The following SDK1 variants were observed in gnomAD, a reference collection of about 807,000 sequenced individuals.
SDK1 encodes sidekick cell adhesion molecule 1.
A neutral mutation model predicts 245.5 loss-of-function variants in SDK1; 157 were observed. That is an observed-to-expected ratio of 0.64 (90% CI 0.56 to 0.73). The LOEUF is 0.73. SDK1 is among the 30% of genes least tolerant of loss of function. The pLI is 0.00. For synonymous variants in SDK1, 1,647 were observed against 1,278.5 expected (o/e 1.29, Z -6.15); for missense variants, 3,583 against 3,002.3 (o/e 1.19, Z -4.52).
At chr7:3,650,647 G>A (rs1782984434) in intron 4 of SDK1, among the ~76,000 whole-genome samples, 1 of 152,094 alleles carries the variant, frequency 6.6e-6, no homozygotes, top group African/African-American at 2.4e-5. Context: ...CAAACAGAAG[G>A]TTTCTGTCAA....
intron 1 of SDK1, among the ~76,000 whole-genome samples, chr7:3,429,427 A>G (rs1291174371): frequency 1.3e-5 from 2 of 152,154 alleles, no homozygotes; most frequent in Non-Finnish European, 2.9e-5. Context: ...CCTTTTAAAT[A>G]TATAACTCCT....
chr7:3,407,761 A>G (rs1779091878), intron 1 of SDK1, among the ~76,000 whole-genome samples: 1 of 152,210 alleles, frequency 6.6e-6, no homozygotes, highest in South Asian at 2.1e-4. Flanking sequence ...TTGGGTATAC[A>G]AGGATAACTA....
chr7:4,033,107 G>A (rs1029226839), intron 17 of SDK1, among the ~76,000 whole-genome samples: 6 of 152,176 alleles, frequency 3.9e-5, no homozygotes, highest in African/African-American at 1.4e-4. Context: ...TCTATTGGTG[G>A]ATGACTAGAA....
In SDK1 at chr7:3,811,173, C is replaced by T. The variant is rs181525741; in HGVS notation, c.714-10277C>T. On this transcript the variant is annotated intron_variant, in intron 4 of 44. Coordinates refer to ENST00000404826, the MANE Select transcript of SDK1 (RefSeq NM_152744.4). Reference sequence around the variant, plus strand: ...TTCACCTCACTACCGATTTGCACTTCATCAGTGTCCTTTTGATGTCAGAAT... The same window carrying T: ...TTCACCTCACTACCGATTTGCACTTTATCAGTGTCCTTTTGATGTCAGAAT... Among the ~76,000 whole-genome samples the T allele has an allele frequency of 6.6e-5, 10 of 152,300 alleles. No homozygotes were observed. In the South Asian group the frequency reaches 1.0e-3, roughly 16 times the overall value.
intron 1 of SDK1, among the ~76,000 whole-genome samples, chr7:3,603,814 TG>T (rs1210191700): frequency 6.6e-6 from 1 of 152,212 alleles, no homozygotes; most frequent in Non-Finnish European, 1.5e-5. Flanking sequence ...ATATTGGCTG[TG>T]GGTTTGCCAT....
rs192328263 is a variant in SDK1, at chr7:3,744,652, A to C, written c.714-76798A>C. On this transcript the variant is annotated intron_variant, in intron 4 of 44. Coordinates refer to ENST00000404826, the MANE Select transcript of SDK1 (RefSeq NM_152744.4). ...CGATGAAACCCCGTCTCTACTACAA[A>C]TACAAAAAAATTAGCCAGGCGTGGT... Among the ~76,000 whole-genome samples the C allele has an allele frequency of 5.3e-3, 811 of 152,176 alleles. 6 individuals carry two copies. The highest frequency in any genetic ancestry group is 0.018 in the African/African-American group (761 of 41,522).
At chr7:4,221,145 G>A (rs1376870625) in intron 39 of SDK1, 94 bp from the exon 40 acceptor site, 8 of 1,474,496 alleles carry the variant, frequency 5.4e-6, no homozygotes, top group African/African-American at 1.4e-5. Flanking sequence ...CTGCAGCCTC[G>A]ACCGGTCTGA....
intron 22 of SDK1, among the ~76,000 whole-genome samples, chr7:4,087,074 G>T (rs1472667093): frequency 1.3e-5 from 2 of 149,508 alleles, no homozygotes; most frequent in African/African-American, 2.5e-5. Flanking sequence ...CTCCTTTCTT[G>T]CATGCCTCTG....
rs934141839 is a variant in SDK1, at chr7:4,267,273, C to G, written c.*1889C>G. ...CCCTCCCTCCCTCCTTCCCTCCCTT[C>G]CTTCCTCTCTTTCCTCCTTCCTTCC... On this transcript the variant is annotated 3_prime_UTR_variant, in exon 45 of 45. Transcript: ENST00000404826. The G allele has an allele frequency of 1.9e-6, 1 of 523,732 alleles. No homozygotes were observed. The highest frequency in any genetic ancestry group is 2.4e-6 in the Non-Finnish European group (1 of 411,434). 32.4% of individuals were successfully genotyped at this position (523,732 alleles called of 1,614,324 possible).
chr7:3,724,986 G>C (rs1583345594), intron 4 of SDK1, among the ~76,000 whole-genome samples: 1 of 152,238 alleles, frequency 6.6e-6, no homozygotes, highest in African/African-American at 2.4e-5. Flanking sequence ...AGCCAGCTCA[G>C]CTGCCTCAGA....
chr7:4,146,812 C>T (rs552095948), intron 29 of SDK1, among the ~76,000 whole-genome samples: 5 of 152,358 alleles, frequency 3.3e-5, no homozygotes, highest in Admixed American at 2.6e-4. Context: ...TCCTGCAGCC[C>T]ACGGAGCAGC....
intron 4 of SDK1, among the ~76,000 whole-genome samples, chr7:3,729,286 C>G (rs567699228): frequency 7.7e-4 from 118 of 152,336 alleles, no homozygotes; most frequent in East Asian, 5.8e-4. Flanking sequence ...GGTCTATTCT[C>G]ATTCTGGCTA....
At chr7:3,819,732 A>G (rs1390558801) in intron 4 of SDK1, among the ~76,000 whole-genome samples, 1 of 152,292 alleles carries the variant, frequency 6.6e-6, no homozygotes, top group Non-Finnish European at 1.5e-5. Flanking sequence ...GACATGAAGT[A>G]AGTCATAGAG....
intron 4 of SDK1, among the ~76,000 whole-genome samples, chr7:3,689,026 A>C (rs1294523011): frequency 5.3e-5 from 8 of 152,312 alleles, no homozygotes; most frequent in African/African-American, 1.2e-4. Flanking sequence ...TCCTGTAAAT[A>C]AAGTTTTATT....
chr7:3,989,020 G>T (rs1241190314), intron 14 of SDK1, among the ~76,000 whole-genome samples: 3 of 152,206 alleles, frequency 2.0e-5, no homozygotes, highest in Admixed American at 6.5e-5. Flanking sequence ...CTCCCAAAGT[G>T]CTGGGATTAC....
At chr7:3,940,680 G>T (rs1780328879) in intron 5 of SDK1, among the ~76,000 whole-genome samples, 1 of 152,044 alleles carries the variant, frequency 6.6e-6, no homozygotes, top group Non-Finnish European at 1.5e-5. Context: ...AAATAGCCGG[G>T]TGTCGTGGCA....
intron 22 of SDK1, among the ~76,000 whole-genome samples, chr7:4,092,913 C>G (rs148818864): frequency 3.3e-5 from 5 of 152,206 alleles, no homozygotes; most frequent in Non-Finnish European, 7.3e-5. Flanking sequence ...AGAGTGTTCA[C>G]GTTTCTTCCC....
chr7:3,738,862 G>C (rs183684876), intron 4 of SDK1, among the ~76,000 whole-genome samples: 24 of 152,060 alleles, frequency 1.6e-4, no homozygotes, highest in African/African-American at 5.5e-4. Context: ...GTTGTTCATT[G>C]TGTTGATTTT....
At chr7:3,927,612 T>C (rs757792) in intron 5 of SDK1, among the ~76,000 whole-genome samples, 11 of 152,200 alleles carry the variant, frequency 7.2e-5, no homozygotes, top group African/African-American at 2.7e-4. Context: ...TGGTCCACCA[T>C]GGCTGAAGAC....
Sources: allele counts gnomAD v4.1 joint callset (sites outside exome capture counted in the v4.1 genomes callset), GRCh38; gene constraint gnomAD v4.1.1; transcripts MANE v1.5; gene names NCBI Gene and HGNC (gene_info 2026-07-23, HGNC 2026-07-21).